Variants in XIST observed in about 807,000 individuals in gnomAD.
The protein encoded by XIST is X inactive specific transcript (non-protein coding).
exon 6 of XIST, chrX:73,822,412 G>A (rs1193351744): frequency 5.8e-6 from 3 of 516,394 alleles, no homozygotes; most frequent in Admixed American, 5.3e-5. Context: ...AAAGTATTAG[G>A]CATTCTCTGG....
intron 1 of XIST, among the ~76,000 whole-genome samples, chrX:73,838,303 C>G (rs893671243): frequency 1.8e-5 from 2 of 110,952 alleles, no homozygotes; most frequent in Admixed American, 1.9e-4. Flanking sequence ...TTTTTAAATT[C>G]TTATACGCAC....
intron 1 of XIST, among the ~76,000 whole-genome samples, chrX:73,839,261 G>A (rs1428628738): frequency 9.0e-6 from 1 of 111,150 alleles, no homozygotes; most frequent in Non-Finnish European, 1.9e-5. Context: ...GAAAGATAAA[G>A]CTGAAAGAGG....
chrX:73,829,651 G>A (rs946968805), intron 4 of XIST, among the ~76,000 whole-genome samples: 19 of 109,493 alleles, frequency 1.7e-4, no homozygotes, highest in Non-Finnish European at 3.4e-4. Flanking sequence ...TTAGCCGGGC[G>A]TGGTGGTGCA....
intron 1 of XIST, among the ~76,000 whole-genome samples, chrX:73,840,904 C>T (rs1922574535): frequency 9.0e-6 from 1 of 111,721 alleles, no homozygotes; most frequent in African/African-American, 3.2e-5. Context: ...CAGATGGCTG[C>T]AATATTAATC....
At chrX:73,843,941 G>A in exon 1 of XIST, 1 of 558,070 alleles carries the variant, frequency 1.8e-6, no homozygotes, top group Non-Finnish European at 3.2e-6. Context: ...ATTATATGTT[G>A]ATAGTCCACC....
chrX:73,828,600 T>G (rs1183328961), intron 5 of XIST: 1 of 113,542 alleles, frequency 8.8e-6, no homozygotes, highest in Non-Finnish European at 1.8e-5. Context: ...AATCCCCTCC[T>G]TTAGCATCAC....
exon 6 of XIST, chrX:73,825,877 A>G (rs1444836673): frequency 1.8e-6 from 1 of 558,842 alleles, no homozygotes; most frequent in Non-Finnish European, 3.2e-6. Context: ...CCACATAAAC[A>G]GGAAGAAAAA....
exon 1 of XIST, chrX:73,846,110 G>C (rs1241672449): frequency 2.0e-5 from 11 of 552,607 alleles, no homozygotes; most frequent in Non-Finnish European, 3.2e-5. Context: ...ATTGGGGGTG[G>C]AGTGTGGCAG....
chrX:73,823,877 A>G (rs2147695311), exon 6 of XIST: 1 of 556,590 alleles, frequency 1.8e-6, no homozygotes, highest in South Asian at 2.2e-5. Flanking sequence ...CTATAATGAT[A>G]ACATCATTTT....
exon 6 of XIST, chrX:73,822,810 C>T: frequency 1.8e-6 from 1 of 557,889 alleles, no homozygotes; most frequent in Admixed American, 2.2e-5. Context: ...TCTCTTATTC[C>T]CACTCTACAA....
exon 6 of XIST, chrX:73,822,133 C>T (rs1027161807): frequency 1.8e-6 from 1 of 557,193 alleles, no homozygotes; most frequent in African/African-American, 2.2e-5. Flanking sequence ...AGGCTGGTAC[C>T]AATGAGACTG....
chrX:73,824,126 A>T (rs1207075964), exon 6 of XIST: 1 of 533,749 alleles, frequency 1.9e-6, no homozygotes, highest in Non-Finnish European at 3.4e-6. Flanking sequence ...ACAAATTATA[A>T]ATTGATTTTA....
At chrX:73,840,382 C>T (rs897548396) in intron 1 of XIST, among the ~76,000 whole-genome samples, 1 of 111,206 alleles carries the variant, frequency 9.0e-6, no homozygotes, top group African/African-American at 3.3e-5. Flanking sequence ...TAAGTGAAGC[C>T]AGTTCACTTA....
At chrX:73,845,361 G>A (rs1922722801) in exon 1 of XIST, 1 of 555,736 alleles carries the variant, frequency 1.8e-6, no homozygotes, top group Non-Finnish European at 3.2e-6. Context: ...CTGAGAGTAG[G>A]ACCTTATTCA....
exon 1 of XIST, chrX:73,849,616 T>G: frequency 1.8e-6 from 1 of 558,050 alleles, no homozygotes; most frequent in Non-Finnish European, 3.2e-6. Flanking sequence ...ACGTACCGAG[T>G]AAGGAAATTC....
chrX:73,846,809 T>C, exon 1 of XIST: 2 of 559,177 alleles, frequency 3.6e-6, no homozygotes, highest in East Asian at 3.2e-5. Context: ...ACTGATGTAA[T>C]TGTCATTAGG....
intron 3 of XIST, chrX:73,831,496 C>T (rs1321580734): frequency 6.9e-6 from 2 of 288,284 alleles, no homozygotes; most frequent in African/African-American, 5.4e-5. Context: ...GTATGCTTTC[C>T]CTCATTTCCA....
In XIST at chrX:73,847,303, C is replaced by A. The variant is rs184994222; in HGVS notation, n.5421G>T. ...GGCACATCAACTACTGCTAATTATG[C>A]GCATTTAAGCAGTATAAGAGAAGAA... is the stretch of plus-strand genomic sequence containing the variant. On this transcript the variant is annotated non_coding_transcript_exon_variant, in exon 1 of 6. Transcript: ENST00000429829. The A allele has an allele frequency of 7.4e-6, 4 of 543,543 alleles. No homozygotes were observed. In the South Asian group the frequency reaches 9.4e-5, roughly 13 times the overall value. 44.8% of individuals were successfully genotyped at this position (543,543 alleles called of 1,213,427 possible).
chrX:73,848,671 C>T (rs769462041), exon 1 of XIST: 1 of 558,493 alleles, frequency 1.8e-6, no homozygotes, highest in Non-Finnish European at 3.2e-6. Flanking sequence ...TCGTTAGCAA[C>T]ATCCCACAGA....
Sources: gnomAD v4.1 joint callset for allele counts (sites outside exome capture counted in the v4.1 genomes callset) on GRCh38, gnomAD v4.1.1 for gene constraint, MANE v1.5 for transcripts, NCBI Gene and HGNC (gene_info 2026-07-23, HGNC 2026-07-21) for gene names.